Variants in ROBO2 observed in about 807,000 individuals in gnomAD.
The protein encoded by ROBO2 is roundabout homolog 2.
ROBO2 carries 53 observed loss-of-function variants against 160.8 expected under a neutral mutation model. The observed-to-expected ratio is 0.33, with a 90% CI of 0.26 to 0.41. The LOEUF (loss-of-function observed/expected upper bound fraction) is 0.41. Among genes scored for constraint, ROBO2 ranks in the 10% least tolerant of loss-of-function variants. The pLI, the probability that ROBO2 is intolerant of heterozygous loss-of-function variation, is 1.00. For synonymous variants in ROBO2, 664 were observed against 611.7 expected, an observed-to-expected ratio of 1.09 and a Z score of -1.26; for missense variants, 1,577 against 1,722.4, an observed-to-expected ratio of 0.92 and a Z score of 1.49.
chr3:76,054,657 A>G (rs1038045496), intron 2 of ROBO2, among the ~76,000 whole-genome samples: 3 of 152,240 alleles, frequency 2.0e-5, no homozygotes, highest in Non-Finnish European at 2.9e-5. Context: ...GATTTGGATT[A>G]CATATTATAT....
At position 77,557,975 on chromosome 3, in the gene ROBO2, A is replaced by G. The variant is rs373043627; in HGVS notation, c.1263A>G (p.Leu421=). The change falls in exon 9 of 26, where the codon CTA becomes CTG. Residue 421 remains leucine (L), a synonymous_variant. Coordinates refer to ENST00000461745, the Ensembl canonical transcript of ROBO2. ...CAGATAGACCTCCACCTATAATTCT[A>G]CAAGGCCCAGCCAACCAAACGCTGG... is the stretch of plus-strand genomic sequence containing the variant. 6.1e-5 allele frequency: 98 copies of G among 1,613,072 alleles called. No homozygotes were observed. The highest frequency in any genetic ancestry group is 8.0e-5 in the Non-Finnish European group (94 of 1,179,316).
chr3:77,063,735 C>T (rs533799575), intron 1 of ROBO2, among the ~76,000 whole-genome samples: 1 of 152,274 alleles, frequency 6.6e-6, no homozygotes, highest in South Asian at 2.1e-4. Flanking sequence ...TGAATTCAAT[C>T]GAGATGGCCC....
chr3:76,946,691 G>GC (rs1484441067), intron 2 of ROBO2, among the ~76,000 whole-genome samples: 1 of 152,140 alleles, frequency 6.6e-6, no homozygotes, highest in Non-Finnish European at 1.5e-5. Flanking sequence ...GCCTGCCTCA[G>GC]CCTCCGAAGA....
rs77689026 is a variant in ROBO2 at position 77,196,714 on chromosome 3, T to C, written c.388+98374T>C. 3.6e-3 allele frequency among the ~76,000 whole-genome samples: 551 copies of C among 152,132 alleles called. 3 individuals carry two copies. The highest frequency in any genetic ancestry group is 5.1e-3 in the Non-Finnish European group (349 of 67,970). The stretch of plus-strand genomic sequence containing the variant: ...TCTTTATTATTTTAATTTGCATTAA[T>C]AAAAAATGGCTTGAGTTAAGTCATA... On this transcript the variant is annotated intron_variant, in intron 2 of 25. Transcript: ENST00000461745.
chr3:76,898,064 A>G lies in ROBO2; in HGVS notation c.110-199950A>G, dbSNP rs2074944802. On this transcript the variant is annotated intron_variant, in intron 2 of 26. Transcript: ENST00000487694. ...GAAGGGTCTGAGTGGAAATGGGTGC[A>G]TTGTCTCTCATAAGGGACATTCTCC... 2.0e-5 allele frequency among the ~76,000 whole-genome samples: 3 copies of G among 152,226 alleles called. No homozygotes were observed. In the South Asian group the frequency reaches 6.2e-4, roughly 32 times the overall value.
chr3:76,434,708 C>G (rs371773433), intron 2 of ROBO2: 3 of 1,055,532 alleles, frequency 2.8e-6, no homozygotes, highest in Admixed American at 1.7e-5. Flanking sequence ...ACCAGGCAGG[C>G]CCCCCTCCTC....
At chr3:76,102,737 A>G (rs750831195) in intron 2 of ROBO2, among the ~76,000 whole-genome samples, 2 of 152,146 alleles carry the variant, frequency 1.3e-5, no homozygotes, top group Non-Finnish European at 2.9e-5. Context: ...GAGCGTCAAT[A>G]TTTGGAGATT....
At chr3:77,532,099 A>G (rs2091773912) in intron 6 of ROBO2, among the ~76,000 whole-genome samples, 1 of 152,144 alleles carries the variant, frequency 6.6e-6, no homozygotes, top group African/African-American at 2.4e-5. Flanking sequence ...TCTAAAGTGA[A>G]ACACAAGCGC....
intron 2 of ROBO2, among the ~76,000 whole-genome samples, chr3:76,409,092 T>A (rs537852122): frequency 6.6e-6 from 1 of 152,218 alleles, no homozygotes; most frequent in East Asian, 1.9e-4. Context: ...TTTCAAATTT[T>A]GTTTTAGTTT....
chr3:77,336,134 A>G (rs971027149), intron 2 of ROBO2, among the ~76,000 whole-genome samples: 4 of 152,162 alleles, frequency 2.6e-5, no homozygotes, highest in Non-Finnish European at 5.9e-5. Context: ...CCTGGTGAAG[A>G]AAAAAGGAGA....
At chr3:77,012,808 G>T (rs2062000985) in intron 2 of ROBO2, among the ~76,000 whole-genome samples, 1 of 152,158 alleles carries the variant, frequency 6.6e-6, no homozygotes, top group Admixed American at 6.5e-5. Context: ...GCTACCCCAG[G>T]TTATCCTGGT....
intron 2 of ROBO2, among the ~76,000 whole-genome samples, chr3:77,437,581 AC>A (rs1006314596): frequency 1.8e-4 from 28 of 151,978 alleles, no homozygotes; most frequent in African/African-American, 6.3e-4. Context: ...ATATTAAAAA[AC>A]ATTTGCATAG....
chr3:77,364,544 G>C (rs935902111), intron 2 of ROBO2, among the ~76,000 whole-genome samples: 1 of 152,140 alleles, frequency 6.6e-6, no homozygotes, highest in African/African-American at 2.4e-5. Context: ...AGGTTCTCTG[G>C]TTAAGGAAGT....
intron 2 of ROBO2, among the ~76,000 whole-genome samples, chr3:76,021,202 C>T (rs1176360175): frequency 1.3e-5 from 2 of 151,650 alleles, no homozygotes; most frequent in Non-Finnish European, 3.0e-5. Flanking sequence ...AAAATATTGC[C>T]TAGATTGGAG....
rs142949206 is a variant in ROBO2 at position 76,633,650 on chromosome 3, T to G, written c.110-464364T>G. On this transcript the variant is annotated intron_variant, in intron 2 of 26. Coordinates refer to the ROBO2 transcript ENST00000487694. ...ACCAAGAAATGGTTTCCCAAGCACT[T>G]TCTTCCATGGAATGTAGGGAAATAG... Among the ~76,000 whole-genome samples the G allele has an allele frequency of 1.5e-3, 221 of 152,330 alleles. 1 individual carries two copies. The Middle Eastern group carries it at 0.024, about 16-fold the overall frequency.
intron 2 of ROBO2, among the ~76,000 whole-genome samples, chr3:76,239,032 C>T (rs1705130153): frequency 6.6e-6 from 1 of 152,186 alleles, no homozygotes; most frequent in Non-Finnish European, 1.5e-5. Context: ...TTGCTAGATA[C>T]TCAAATTTTC....
intron 2 of ROBO2, among the ~76,000 whole-genome samples, chr3:77,000,038 A>G (rs996186254): frequency 5.3e-5 from 8 of 152,166 alleles, no homozygotes; most frequent in African/African-American, 1.9e-4. Flanking sequence ...TTCCAGAGTT[A>G]TTTTGTTCCT....
intron 2 of ROBO2, among the ~76,000 whole-genome samples, chr3:76,320,447 A>C (rs1012501309): frequency 6.6e-6 from 1 of 152,168 alleles, no homozygotes; most frequent in Non-Finnish European, 1.5e-5. Flanking sequence ...CACATCAGCT[A>C]TTAGGACAGA....
At chr3:76,818,966 A>G (rs556068981) in intron 2 of ROBO2, among the ~76,000 whole-genome samples, 2 of 151,668 alleles carry the variant, frequency 1.3e-5, no homozygotes, top group Non-Finnish European at 2.9e-5. Flanking sequence ...ATATGAATTG[A>G]CTCTTCATCC....
Sources: gnomAD v4.1 joint callset for allele counts (sites outside exome capture counted in the v4.1 genomes callset) on GRCh38, gnomAD v4.1.1 for gene constraint, MANE v1.5 for transcripts, NCBI Gene and HGNC (gene_info 2026-07-23, HGNC 2026-07-21) for gene names.